The following FNBP1L variants were observed in gnomAD, a reference collection of about 807,000 sequenced individuals.
FNBP1L encodes the protein formin-binding protein 1-like.
A neutral mutation model predicts 91.2 loss-of-function variants in FNBP1L; 36 were observed. The ratio of observed to expected loss-of-function variants is 0.39; its 90% CI spans 0.30 to 0.52. FNBP1L has a LOEUF of 0.52. Among genes scored for constraint, FNBP1L ranks in the 20% least tolerant of loss-of-function variants. The pLI, the probability that FNBP1L is intolerant of heterozygous loss-of-function variation, is 0.66. For synonymous variants in FNBP1L, 242 were observed against 237.0 expected, an observed-to-expected ratio of 1.02 and a Z score of -0.19; for missense variants, 571 against 732.1, an observed-to-expected ratio of 0.78 and a Z score of 2.54.
At chr1:93,533,176 A>G (rs1420238992) in intron 8 of FNBP1L, 108 bp downstream of exon 8, 2 of 883,094 alleles carry the variant, frequency 2.3e-6, no homozygotes, top group Non-Finnish European at 3.3e-6. Flanking sequence ...GTGTGGTTCT[A>G]AATTATATTC....
At chr1:93,549,724 C>G (rs556222698) in intron 15 of FNBP1L, among the ~76,000 whole-genome samples, 1 of 152,310 alleles carries the variant, frequency 6.6e-6, no homozygotes, top group South Asian at 2.1e-4. Flanking sequence ...TGCACATGTC[C>G]TAAACAAAGT....
chr1:93,457,319 C>T (rs1668704988), intron 1 of FNBP1L, among the ~76,000 whole-genome samples: 1 of 152,220 alleles, frequency 6.6e-6, no homozygotes, highest in African/African-American at 2.4e-5. Context: ...CATTTTGCAT[C>T]TTCTTCCTTG....
chr1:93,531,728 T>TG (rs1309210731), intron 7 of FNBP1L, among the ~76,000 whole-genome samples: 3 of 152,174 alleles, frequency 2.0e-5, no homozygotes, highest in African/African-American at 7.2e-5. Context: ...CTTCATATTC[T>TG]GGGGAAACTA....
chr1:93,464,760 G>A (rs1402031360), intron 1 of FNBP1L, among the ~76,000 whole-genome samples: 6 of 152,022 alleles, frequency 3.9e-5, no homozygotes, highest in African/African-American at 1.4e-4. Flanking sequence ...TGATGTTATT[G>A]CTGTCATTCA....
chr1:93,544,220 T>C lies in FNBP1L; in HGVS notation c.1274+4T>C, dbSNP rs1189497938. The C allele has an allele frequency of 2.5e-6, 4 of 1,594,192 alleles. No individual in the cohort carries two copies. The highest frequency in any genetic ancestry group is 1.7e-5 in the Admixed American group (1 of 58,836). ...TACAGAAAGAATCAGACCAAAAGTA[T>C]TATTCCTTTAAGTTTTCTCTATCAT... On this transcript the variant is annotated splice_donor_region_variant and intron_variant, in intron 12 of 16. Transcript: ENST00000271234.
intron 2 of FNBP1L, among the ~76,000 whole-genome samples, chr1:93,514,112 C>G (rs1670973866): frequency 6.6e-6 from 1 of 151,944 alleles, no homozygotes; most frequent in Admixed American, 6.6e-5. Context: ...CACAAGCATT[C>G]TTATACACCA....
rs1266163709 is a variant in FNBP1L, at chr1:93,456,649, G to A, written c.24+8344G>A. On this transcript the variant is annotated intron_variant, in intron 1 of 16. Coordinates refer to ENST00000271234, the MANE Select transcript of FNBP1L (RefSeq NM_001164473.3). ...GCAAAAATAAGCTGGGCGTGGTGGT[G>A]GGCACCTGTAGTCCCAGCTACTCAG... is the stretch of plus-strand genomic sequence containing the variant. 2.7e-5 allele frequency among the ~76,000 whole-genome samples: 4 copies of A among 150,676 alleles called. No homozygotes were observed. In the East Asian group the frequency reaches 7.9e-4, roughly 30 times the overall value.
intron 4 of FNBP1L, 87 bp downstream of exon 4, chr1:93,523,578 C>T: frequency 8.1e-7 from 1 of 1,242,068 alleles, no homozygotes; most frequent in South Asian, 1.7e-5. Context: ...GTGTGTTCAG[C>T]ATAAACTGGT....
chr1:93,449,884 ATTTTAAAT>A (rs1668428590), intron 1 of FNBP1L, among the ~76,000 whole-genome samples: 2 of 152,140 alleles, frequency 1.3e-5, no homozygotes, highest in Non-Finnish European at 2.9e-5. Flanking sequence ...GTATAGTTTT[ATTTTAAAT>A]TTTTAAATTT....
intron 9 of FNBP1L, among the ~76,000 whole-genome samples, chr1:93,535,145 G>T (rs1245248779): frequency 6.6e-6 from 1 of 152,050 alleles, no homozygotes; most frequent in Non-Finnish European, 1.5e-5. Context: ...TTAATATCTA[G>T]TTAAGTTATA....
At chr1:93,463,716 C>CT (rs1557775593) in intron 1 of FNBP1L, among the ~76,000 whole-genome samples, 2 of 152,194 alleles carry the variant, frequency 1.3e-5, no homozygotes, top group Non-Finnish European at 2.9e-5. Flanking sequence ...GGAAACAACT[C>CT]TGTCAACTGG....
intron 1 of FNBP1L, among the ~76,000 whole-genome samples, chr1:93,461,889 G>T (rs185537347): frequency 6.6e-6 from 1 of 152,276 alleles, no homozygotes; most frequent in Admixed American, 6.5e-5. Context: ...CATCTTAAGG[G>T]ATCTCACAAA....
Position 93,510,624 on chromosome 1 carries a change from C to G in FNBP1L, c.140+11041C>G, listed in dbSNP as rs535043324. 2.3e-3 allele frequency among the ~76,000 whole-genome samples: 343 copies of G among 152,190 alleles called. 1 individual carries two copies. Among genetic ancestry groups the G allele is most frequent in the Non-Finnish European group, 4.1e-3 (278 of 67,998 alleles). On this transcript the variant is annotated intron_variant, in intron 2 of 16. Transcript: ENST00000271234. ...CTGGACGGAGAATGACTTTGATGAG[C>G]TGAGAGAAGGCTTCAGATGATGAAA...
chr1:93,541,001 A>G, intron 10 of FNBP1L, 41 bp from the exon 11 acceptor site: 6 of 1,531,556 alleles, frequency 3.9e-6, no homozygotes, highest in Non-Finnish European at 5.3e-6. Context: ...TTTCCTGTGA[A>G]TAATTTACCA....
At chr1:93,476,379 T>C (rs1669495094) in intron 1 of FNBP1L, among the ~76,000 whole-genome samples, 1 of 152,228 alleles carries the variant, frequency 6.6e-6, no homozygotes. Context: ...AAGGAGAGAT[T>C]AAATGAGATA....
At chr1:93,506,299 G>C (rs1670610308) in intron 2 of FNBP1L, among the ~76,000 whole-genome samples, 1 of 152,096 alleles carries the variant, frequency 6.6e-6, no homozygotes, top group Non-Finnish European at 1.5e-5. Flanking sequence ...TTTTAGTGCA[G>C]ACTGGCTTTC....
chr1:93,450,434 G>C (rs1005724268), intron 1 of FNBP1L, among the ~76,000 whole-genome samples: 6 of 152,152 alleles, frequency 3.9e-5, no homozygotes, highest in Non-Finnish European at 8.8e-5. Context: ...ACATTTATTA[G>C]AAACTAAGTA....
intron 16 of FNBP1L, chr1:93,551,926 A>T: frequency 1.0e-6 from 1 of 986,086 alleles, no homozygotes; most frequent in Non-Finnish European, 1.2e-6. Flanking sequence ...GCAGTTACAC[A>T]TAGGAAAATA....
At chr1:93,545,066 T>G (rs1213180235) in intron 12 of FNBP1L, among the ~76,000 whole-genome samples, 1 of 152,140 alleles carries the variant, frequency 6.6e-6, no homozygotes, top group Non-Finnish European at 1.5e-5. Flanking sequence ...ATTTCATATA[T>G]GATGTTGATT....
Sources: allele counts gnomAD v4.1 joint callset (sites outside exome capture counted in the v4.1 genomes callset), GRCh38; gene constraint gnomAD v4.1.1; transcripts MANE v1.5; gene names NCBI Gene and HGNC (gene_info 2026-07-23, HGNC 2026-07-21).